TRIM9: variants seen among roughly 807,000 people sequenced by gnomAD.
The protein encoded by TRIM9 is tripartite motif containing 9, also known as E3 ubiquitin-protein ligase TRIM9.
In TRIM9, 26 loss-of-function variants were observed where a neutral mutation model predicts 78.3. The ratio of observed to expected loss-of-function variants is 0.33; its 90% CI spans 0.24 to 0.46. The LOEUF (loss-of-function observed/expected upper bound fraction) is 0.46. Ranked by LOEUF, TRIM9 falls within the 20% of genes least tolerant of loss-of-function variation. TRIM9 has a pLI of 1.00. For synonymous variants in TRIM9, 398 were observed against 416.5 expected (o/e 0.96, Z 0.54); for missense variants, 787 against 1,036.4 (o/e 0.76, Z 3.30).
chr14:51,008,280 T>C (rs886222295), intron 5 of TRIM9, among the ~76,000 whole-genome samples: 2 of 152,202 alleles, frequency 1.3e-5, no homozygotes, highest in African/African-American at 4.8e-5. Context: ...CACTGTTAAG[T>C]GTCAACTTCC....
chr14:50,978,934 A>G lies in TRIM9; in HGVS notation c.2325+453T>C, dbSNP rs77885707. The G allele has an allele frequency of 9.5e-6, 10 of 1,053,036 alleles. No homozygotes were observed. The South Asian group carries it at 3.4e-4, about 36-fold the overall frequency. The allele number at this position is 1,053,036 out of a possible 1,614,324, so 65.2% of individuals were successfully genotyped here. A position where few individuals can be genotyped will look rare whatever the true frequency, so the allele number is the denominator to read the frequency against. The stretch of plus-strand genomic sequence containing the variant: ...GGGACTATGTTTTCTACCCCTTAGG[A>G]CCTAACAGAGCCAAACAAGAGTGCA... On this transcript the variant is annotated intron_variant, in intron 12 of 12. Coordinates refer to ENST00000684578, the MANE Select transcript of TRIM9 (RefSeq NM_001387360.1).
intron 1 of TRIM9, among the ~76,000 whole-genome samples, chr14:51,083,249 A>C (rs2063467157): frequency 1.3e-5 from 2 of 151,922 alleles, no homozygotes; most frequent in South Asian, 4.2e-4. Context: ...TTAGTTTTTT[A>C]ATTAATTAAT....
At chr14:51,026,677 C>T (rs1317703088) in intron 1 of TRIM9, among the ~76,000 whole-genome samples, 1 of 152,122 alleles carries the variant, frequency 6.6e-6, no homozygotes, top group Non-Finnish European at 1.5e-5. Context: ...CTTTTAAATA[C>T]AAAGTTGGGC....
intron 6 of TRIM9, 33 bp from the exon 7 acceptor site, chr14:50,998,221 G>T: frequency 6.2e-7 from 1 of 1,606,526 alleles, no homozygotes; most frequent in Non-Finnish European, 8.5e-7. Context: ...ACAGCACTTA[G>T]CCTGCCCCCT....
chr14:51,053,597 T>TTTTTTTTTTTTTTTTTTTAA (rs2060638735), intron 1 of TRIM9, among the ~76,000 whole-genome samples: 1 of 91,908 alleles, frequency 1.1e-5, no homozygotes, highest in Non-Finnish European at 2.4e-5. Context: ...TTTTTTTAAT[T>TTTTTTTTTTTTTTTTTTTAA]TTTTTTTTTT....
intron 1 of TRIM9, among the ~76,000 whole-genome samples, chr14:51,029,141 G>A (rs992506514): frequency 6.6e-6 from 1 of 152,156 alleles, no homozygotes; most frequent in African/African-American, 2.4e-5. Context: ...TTCTTCACGT[G>A]GCCTTTTCCC....
intron 5 of TRIM9, among the ~76,000 whole-genome samples, chr14:51,004,515 T>C (rs1327212456): frequency 6.6e-6 from 1 of 152,108 alleles, no homozygotes; most frequent in East Asian, 1.9e-4. Context: ...CACAGGAGTG[T>C]GGCAGGGACA....
intron 1 of TRIM9, among the ~76,000 whole-genome samples, chr14:51,051,325 G>A (rs150406914): frequency 1.4e-3 from 220 of 152,284 alleles, no homozygotes; most frequent in South Asian, 3.3e-3. Context: ...AGCAAGGAAG[G>A]AAGAGATGAG....
intron 1 of TRIM9, among the ~76,000 whole-genome samples, chr14:51,028,299 C>T (rs2058435697): frequency 6.6e-6 from 1 of 152,122 alleles, no homozygotes; most frequent in African/African-American, 2.4e-5. Context: ...TTCTCTTAAG[C>T]TTTGTCCACT....
rs77832461 is a variant in TRIM9, at chr14:51,043,644, C to A, written c.823-18284G>T. Among the ~76,000 whole-genome samples, 522 of 152,270 alleles carry A rather than the reference C, an allele frequency of 3.4e-3. 2 individuals are homozygous for A. Among genetic ancestry groups the A allele is most frequent in the Non-Finnish European group, 4.2e-3 (287 of 68,022 alleles). On this transcript the variant is annotated intron_variant, in intron 1 of 12. Transcript: ENST00000684578. ...ATATTAGGATTCATGACCTAGAGAA[C>A]TTTTATCCCTTTCTATGGGATATGC...
rs201570933 is a variant in TRIM9, at chr14:50,997,992, C to T, written c.1603+58G>A. ...GTGGTGGGGTTACCTCCGGGCTTGC[C>T]AGCCACTTTAGATGCCACGCAGTTC... On this transcript the variant is annotated intron_variant, in intron 7 of 12. Coordinates refer to ENST00000684578, the MANE Select transcript of TRIM9 (RefSeq NM_001387360.1). 413 of 1,609,010 alleles carry T rather than the reference C, an allele frequency of 2.6e-4. 3 individuals carry two copies. The African/African-American group carries it at 5.0e-3, about 20-fold the overall frequency.
At chr14:51,054,824 C>T (rs1194985925) in intron 1 of TRIM9, among the ~76,000 whole-genome samples, 1 of 151,868 alleles carries the variant, frequency 6.6e-6, no homozygotes, top group Non-Finnish European at 1.5e-5. Context: ...CAGGCGTGAG[C>T]CACTGTGCCT....
At chr14:51,077,645 C>T (rs1045536204) in intron 1 of TRIM9, among the ~76,000 whole-genome samples, 2 of 152,110 alleles carry the variant, frequency 1.3e-5, no homozygotes, top group African/African-American at 4.8e-5. Flanking sequence ...CTGCCTGCCT[C>T]GGCCTCCCAA....
At chr14:51,059,655 G>C (rs551834884) in intron 1 of TRIM9, among the ~76,000 whole-genome samples, 1 of 151,776 alleles carries the variant, frequency 6.6e-6, no homozygotes, top group African/African-American at 2.4e-5. Flanking sequence ...AAAATTAGCC[G>C]GGCGTGGTGG....
intron 1 of TRIM9, among the ~76,000 whole-genome samples, chr14:51,031,039 T>G (rs755299436): frequency 1.3e-4 from 20 of 149,404 alleles, no homozygotes; most frequent in Non-Finnish European, 1.9e-4. Flanking sequence ...CTCCAGCTAT[T>G]CAGTAGGCTT....
intron 8 of TRIM9, among the ~76,000 whole-genome samples, chr14:50,984,955 C>T (rs1444052944): frequency 6.6e-6 from 1 of 152,198 alleles, no homozygotes; most frequent in Non-Finnish European, 1.5e-5. Flanking sequence ...TTAAAGACAG[C>T]TTGAAGTCCC....
intron 8 of TRIM9, 49 bp downstream of exon 8, chr14:50,985,907 C>A (rs566283708): frequency 5.3e-5 from 72 of 1,365,870 alleles, no homozygotes; most frequent in Admixed American, 9.1e-5. Flanking sequence ...TTCAGAGATG[C>A]CTTCAAGGCA....
rs1596332699 is a variant in TRIM9 at position 51,086,530 on chromosome 14, G to T, written c.822+7588C>A. ...TCCTCTACTGATTATTTTCTTCATT[G>T]AACCAACCTTTATCTAACTTCTACT... On this transcript the variant is annotated intron_variant, in intron 1 of 12. Coordinates refer to ENST00000684578, the MANE Select transcript of TRIM9 (RefSeq NM_001387360.1). Among the ~76,000 whole-genome samples, 3 of 152,176 alleles carry T rather than the reference G, an allele frequency of 2.0e-5. No homozygotes were observed. The East Asian group carries it at 5.8e-4, about 29-fold the overall frequency.
chr14:50,989,827 T>C (rs963931102), intron 7 of TRIM9, among the ~76,000 whole-genome samples: 1 of 152,214 alleles, frequency 6.6e-6, no homozygotes, highest in Non-Finnish European at 1.5e-5. Context: ...TGCTCTTTCC[T>C]GGACTTCTTT....
Sources: allele counts gnomAD v4.1 joint callset (sites outside exome capture counted in the v4.1 genomes callset), GRCh38; gene constraint gnomAD v4.1.1; transcripts MANE v1.5; gene names NCBI Gene and HGNC (gene_info 2026-07-23, HGNC 2026-07-21).